SWT1: variants seen among roughly 807,000 people sequenced by gnomAD.
SWT1 encodes the protein SWT1 RNA endoribonuclease homolog, also known as transcriptional protein SWT1.
In SWT1, 33 loss-of-function variants were observed where a neutral mutation model predicts 107.3. The observed-to-expected ratio is 0.31, with a 90% CI of 0.23 to 0.41. The LOEUF (loss-of-function observed/expected upper bound fraction) is 0.41. Ranked by LOEUF, SWT1 falls within the 10% of genes least tolerant of loss-of-function variation. The probability of loss-of-function intolerance (pLI) is 1.00; values close to 1 mark genes in which losing one functional copy is unlikely to be tolerated. For synonymous variants in SWT1, 345 were observed against 348.3 expected (o/e 0.99, Z 0.11); for missense variants, 898 against 1,028.9 (o/e 0.87, Z 1.74).
At position 185,277,672 on chromosome 1, in the gene SWT1, C is replaced by T. The variant is rs112527482; in HGVS notation, c.2573+1004C>T. On this transcript the variant is annotated intron_variant, in intron 18 of 18. Coordinates refer to ENST00000367500, the MANE Select transcript of SWT1 (RefSeq NM_017673.7). ...AGAGAGTCTTAGATTCCCTGTGGTCCCCAGACCATGTTTTCAAGAACAACT... is the reference window on the plus strand; with the variant it reads ...AGAGAGTCTTAGATTCCCTGTGGTCTCCAGACCATGTTTTCAAGAACAACT... 8.7e-3 allele frequency among the ~76,000 whole-genome samples: 1,318 copies of T among 152,166 alleles called. 16 individuals carry two copies. The highest frequency in any genetic ancestry group is 0.029 in the African/African-American group (1,184 of 41,498).
intron 5 of SWT1, among the ~76,000 whole-genome samples, chr1:185,177,435 T>C (rs1465654994): frequency 2.0e-5 from 3 of 152,244 alleles, no homozygotes; most frequent in Non-Finnish European, 4.4e-5. Context: ...AGTTTTTCCA[T>C]GACCACTTTC....
At chr1:185,252,602 G>T (rs1255017491) in intron 16 of SWT1, among the ~76,000 whole-genome samples, 9 of 151,846 alleles carry the variant, frequency 5.9e-5, no homozygotes, top group Non-Finnish European at 2.9e-5. Context: ...GTCTGTTCAT[G>T]TCCTTCGCCC....
intron 15 of SWT1, chr1:185,227,738 G>A (rs1301117833): frequency 6.4e-6 from 3 of 465,324 alleles, no homozygotes; most frequent in Non-Finnish European, 1.2e-5. Context: ...GCTTGACAGA[G>A]ACCTGCAGGC....
At chr1:185,267,292 A>G (rs528969120) in intron 16 of SWT1, among the ~76,000 whole-genome samples, 1 of 152,202 alleles carries the variant, frequency 6.6e-6, no homozygotes, top group African/African-American at 2.4e-5. Flanking sequence ...CTTTATCCCC[A>G]TTTCACAGGT....
intron 9 of SWT1, among the ~76,000 whole-genome samples, chr1:185,189,197 C>G (rs1054147525): frequency 2.0e-5 from 3 of 152,026 alleles, no homozygotes; most frequent in Admixed American, 1.3e-4. Context: ...CCATGTTGCC[C>G]AGGCTGATCT....
chr1:185,185,527 T>C (rs1264731510), intron 9 of SWT1, among the ~76,000 whole-genome samples: 1 of 152,188 alleles, frequency 6.6e-6, no homozygotes, highest in African/African-American at 2.4e-5. Context: ...CTGTGGAGTT[T>C]ATACATATAT....
intron 9 of SWT1, among the ~76,000 whole-genome samples, chr1:185,186,851 T>C (rs780754300): frequency 6.6e-6 from 1 of 151,238 alleles, no homozygotes; most frequent in Non-Finnish European, 1.5e-5. Context: ...ACCTCCCGGG[T>C]TCAAGTGATT....
rs76055570 is a variant in SWT1 at position 185,194,571 on chromosome 1, T to TAAA, written c.1523+3939_1523+3941dup. Among the ~76,000 whole-genome samples the TAAA allele has an allele frequency of 2.7e-5, 4 of 145,652 alleles. No individual in the cohort carries two copies. The East Asian group carries it at 5.9e-4, about 22-fold the overall frequency. ...ATTGTCCCATAGCTCTTGGATACTTTAAAAAAAAAAAAGTCTTTTATTATC... is the reference window on the plus strand; with the variant it reads ...ATTGTCCCATAGCTCTTGGATACTTTAAAAAAAAAAAAAAAGTCTTTTATTATC... On this transcript the variant is annotated intron_variant, in intron 10 of 18. Coordinates refer to ENST00000367500, the MANE Select transcript of SWT1 (RefSeq NM_017673.7).
At chr1:185,177,184 G>A (rs1014012586) in intron 5 of SWT1, among the ~76,000 whole-genome samples, 2 of 152,120 alleles carry the variant, frequency 1.3e-5, no homozygotes, top group African/African-American at 4.8e-5. Context: ...AGAACCTCCA[G>A]TTTTTCTTCT....
At chr1:185,223,554 A>G (rs1659834804) in intron 15 of SWT1, among the ~76,000 whole-genome samples, 1 of 151,978 alleles carries the variant, frequency 6.6e-6, no homozygotes, top group Non-Finnish European at 1.5e-5. Context: ...TTTGATTTGC[A>G]TTTCCCTGAT....
intron 16 of SWT1, among the ~76,000 whole-genome samples, chr1:185,265,322 A>T (rs552455311): frequency 1.2e-3 from 181 of 152,300 alleles, no homozygotes; most frequent in Middle Eastern, 0.01. Context: ...ACTGATGGCT[A>T]GCTCTCATTT....
intron 16 of SWT1, among the ~76,000 whole-genome samples, chr1:185,254,945 C>T (rs755860741): frequency 1.6e-4 from 24 of 152,106 alleles, no homozygotes; most frequent in Non-Finnish European, 2.6e-4. Context: ...CTACACACTG[C>T]GTTGAATGCG....
Position 185,290,705 on chromosome 1 carries a change from G to A in SWT1, c.2605G>A (p.Val869Ile). 6.3e-7 allele frequency: 1 copy of A among 1,586,352 alleles called. No homozygotes were observed. ...GTTAACCATTGGATGCCGCCAGCTG[G>A]TTGAGATGGAATATACCATGCAGCA... The part of the protein sequence containing the change: ...EKLTIGCRQL[V>I]EMEYTMQQCN... The change falls in exon 19 of 19, where the codon GTT becomes ATT. Residue 869 changes from valine to isoleucine, a missense_variant. Coordinates refer to ENST00000367500, the MANE Select transcript of SWT1 (RefSeq NM_017673.7).
At chr1:185,212,650 A>G (rs1658910078) in intron 13 of SWT1, among the ~76,000 whole-genome samples, 1 of 152,100 alleles carries the variant, frequency 6.6e-6, no homozygotes, top group Non-Finnish European at 1.5e-5. Context: ...AAAATCCAAA[A>G]AAAATAGCTG....
chr1:185,193,030 A>C (rs940210625), intron 10 of SWT1, among the ~76,000 whole-genome samples: 1 of 152,160 alleles, frequency 6.6e-6, no homozygotes, highest in Non-Finnish European at 1.5e-5. Context: ...TGGTACCGCT[A>C]TAACTGTCCT....
rs1240516645 is a variant in SWT1, at chr1:185,257,130, C to G, written c.2442-14193C>G. 5.3e-5 allele frequency among the ~76,000 whole-genome samples: 8 copies of G among 152,244 alleles called. No homozygotes were observed. The East Asian group carries it at 1.5e-3, about 29-fold the overall frequency. ...TCAGGGACCCACTTGAGGAGGCAGT[C>G]TGCCCGTTCTCATATCTCCAGCTGT... On this transcript the variant is annotated intron_variant, in intron 16 of 18. Coordinates refer to ENST00000367500, the MANE Select transcript of SWT1 (RefSeq NM_017673.7).
At chr1:185,234,658 G>A (rs1181464021) in intron 16 of SWT1, among the ~76,000 whole-genome samples, 1 of 152,162 alleles carries the variant, frequency 6.6e-6, no homozygotes, top group Non-Finnish European at 1.5e-5. Context: ...CCATTATGAT[G>A]TTAGCTGGTT....
intron 16 of SWT1, chr1:185,257,950 A>G (rs1662735021): frequency 6.6e-6 from 1 of 152,174 alleles, no homozygotes; most frequent in Admixed American, 6.5e-5. Context: ...TGGAGAAAGA[A>G]CAAAGAAATC....
intron 18 of SWT1, among the ~76,000 whole-genome samples, 173 bp downstream of exon 18, chr1:185,276,841 T>C (rs1163034218): frequency 6.6e-6 from 1 of 152,148 alleles, no homozygotes; most frequent in Non-Finnish European, 1.5e-5. Flanking sequence ...TCATGTGTTG[T>C]GTGTTTATCA....
Sources: gnomAD v4.1 joint callset for allele counts (sites outside exome capture counted in the v4.1 genomes callset) on GRCh38, gnomAD v4.1.1 for gene constraint, MANE v1.5 for transcripts, NCBI Gene and HGNC (gene_info 2026-07-23, HGNC 2026-07-21) for gene names.